The following EPB41L2 variants were observed in gnomAD, a reference collection of about 807,000 sequenced individuals.
The protein encoded by EPB41L2 is erythrocyte membrane protein band 4.1 like 2.
A neutral mutation model predicts 113.0 loss-of-function variants in EPB41L2; 43 were observed. The ratio of observed to expected loss-of-function variants is 0.38; its 90% CI spans 0.30 to 0.49. The LOEUF (loss-of-function observed/expected upper bound fraction) is 0.49. Among genes scored for constraint, EPB41L2 ranks in the 20% least tolerant of loss-of-function variants. EPB41L2 has a pLI of 0.95. For synonymous variants in EPB41L2, 442 were observed against 436.7 expected (o/e 1.01, Z -0.15); for missense variants, 1,147 against 1,223.4 (o/e 0.94, Z 0.93).
At chr6:130,899,616 A>C in intron 7 of EPB41L2, 38 bp from the exon 8 acceptor site, 1 of 1,568,176 alleles carries the variant, frequency 6.4e-7, no homozygotes, top group Non-Finnish European at 8.8e-7. Flanking sequence ...TTATTAATGG[A>C]TGCAGAGCAA....
At chr6:130,982,210 T>G (rs531073547) in intron 1 of EPB41L2, among the ~76,000 whole-genome samples, 1 of 152,304 alleles carries the variant, frequency 6.6e-6, no homozygotes, top group East Asian at 1.9e-4. Context: ...CTTTCAATAC[T>G]GTAGTTTTGA....
chr6:130,852,102 A>G (rs530942947), intron 19 of EPB41L2, among the ~76,000 whole-genome samples: 1 of 152,320 alleles, frequency 6.6e-6, no homozygotes, highest in South Asian at 2.1e-4. Context: ...TGGACTCTTA[A>G]GAGCAAAAAG....
intron 4 of EPB41L2, among the ~76,000 whole-genome samples, chr6:130,919,889 T>G (rs1802328875): frequency 6.6e-6 from 1 of 152,206 alleles, no homozygotes; most frequent in Non-Finnish European, 1.5e-5. Flanking sequence ...CTCCTTCTCT[T>G]GTCCCACTGC....
chr6:130,868,263 CTAA>C (rs1784547398), intron 15 of EPB41L2: 1 of 152,314 alleles, frequency 6.6e-6, no homozygotes, highest in Non-Finnish European at 1.5e-5. Context: ...TTATACCTGT[CTAA>C]AATTTGCAGT....
chr6:130,882,168 G>A (rs1789533533), intron 12 of EPB41L2: 1 of 152,124 alleles, frequency 6.6e-6, no homozygotes, highest in Non-Finnish European at 1.5e-5. Context: ...TTTGCAAAAT[G>A]GAGAGACCCT....
At chr6:130,999,330 C>A (rs1173902348) in intron 1 of EPB41L2, among the ~76,000 whole-genome samples, 1 of 152,162 alleles carries the variant, frequency 6.6e-6, no homozygotes, top group Non-Finnish European at 1.5e-5. Context: ...CAAAGTTCTA[C>A]TTAATATATG....
chr6:131,021,201 T>C (rs1789401117), intron 1 of EPB41L2, among the ~76,000 whole-genome samples: 1 of 152,202 alleles, frequency 6.6e-6, no homozygotes, highest in Non-Finnish European at 1.5e-5. Flanking sequence ...TGCAGAAGAA[T>C]ATCATTTCAA....
intron 3 of EPB41L2, among the ~76,000 whole-genome samples, chr6:130,941,722 G>A (rs1293436702): frequency 1.3e-5 from 2 of 152,198 alleles, no homozygotes; most frequent in African/African-American, 4.8e-5. Context: ...TAACCAGACT[G>A]ATGCACAAAA....
intron 1 of EPB41L2, among the ~76,000 whole-genome samples, chr6:130,991,486 G>A (rs1781853945): frequency 1.3e-5 from 2 of 151,984 alleles, no homozygotes; most frequent in South Asian, 4.2e-4. Context: ...CTTACTACTG[G>A]GCATCCACAT....
Position 130,870,048 on chromosome 6 carries a change from C to A in EPB41L2, c.2122G>T (p.Glu708Ter). 6.2e-7 allele frequency: 1 copy of A among 1,614,042 alleles called. No individual in the cohort carries two copies. The highest frequency in any genetic ancestry group is 8.5e-7 in the Non-Finnish European group (1 of 1,180,012). The change falls in exon 15 of 20, where the codon GAA (glutamate) becomes TAA (stop). Residue 708 changes from glutamate to a stop codon, truncating the protein, a stop_gained. Coordinates refer to ENST00000337057, the MANE Select transcript of EPB41L2 (RefSeq NM_001431.4). LOFTEE classifies it high-confidence loss of function. Reference sequence around the variant, plus strand: ...GGTGATATCTCTTTACCATTCATTTCTTCTGTGATTACTCTTTCGTCTTTC... The same window carrying A: ...GGTGATATCTCTTTACCATTCATTTATTCTGTGATTACTCTTTCGTCTTTC... Reference protein sequence around the residue: ...VGKDERVITEEMNGKEISPGS... With the variant: ...VGKDERVITE
chr6:130,916,014 A>T (rs75552037), intron 4 of EPB41L2, among the ~76,000 whole-genome samples: 2 of 152,172 alleles, frequency 1.3e-5, no homozygotes, highest in East Asian at 3.8e-4. Context: ...CCAATTTTAG[A>T]TTACTATTTT....
intron 1 of EPB41L2, among the ~76,000 whole-genome samples, chr6:131,023,748 T>TATATATATAG (rs1554340543): frequency 1.9e-5 from 2 of 103,146 alleles, no homozygotes; most frequent in African/African-American, 6.0e-5. Context: ...TCTATATATC[T>TATATATATAG]ATATATAGAT....
chr6:131,003,333 G>T (rs1021594838), intron 1 of EPB41L2, among the ~76,000 whole-genome samples: 8 of 152,130 alleles, frequency 5.3e-5, no homozygotes, highest in Admixed American at 2.6e-4. Flanking sequence ...TGGAAATGAG[G>T]CCAGGTCTCA....
intron 1 of EPB41L2, among the ~76,000 whole-genome samples, chr6:130,965,674 C>T (rs904039202): frequency 2.1e-5 from 3 of 141,938 alleles, no homozygotes; most frequent in Non-Finnish European, 4.6e-5. Context: ...AAGAAAGAAA[C>T]ACAAGTGGCA....
rs1796688402 is a variant in EPB41L2 at position 131,052,108 on chromosome 6, T to C, written c.-15+11047A>G. On this transcript the variant is annotated intron_variant, in intron 1 of 19. Transcript: ENST00000337057. ...CCCACCACCACACCCAGCTGATTTT[T>C]ATATTTTTAGTACAGATGGGGTTTT... 5.3e-5 allele frequency among the ~76,000 whole-genome samples: 8 copies of C among 152,150 alleles called. 1 individual carries two copies. The South Asian group carries it at 1.7e-3, about 32-fold the overall frequency.
intron 1 of EPB41L2, among the ~76,000 whole-genome samples, chr6:131,021,954 G>C (rs560514456): frequency 6.6e-6 from 1 of 152,124 alleles, no homozygotes; most frequent in Non-Finnish European, 1.5e-5. Flanking sequence ...AGGGCCGGGG[G>C]ATGGTTTTGG....
chr6:130,918,467 C>T (rs993246149), intron 4 of EPB41L2, among the ~76,000 whole-genome samples: 1 of 152,138 alleles, frequency 6.6e-6, no homozygotes, highest in Non-Finnish European at 1.5e-5. Context: ...AATACAAGAA[C>T]TATATGGACT....
chr6:130,931,417 C>T (rs1284524251), intron 3 of EPB41L2, among the ~76,000 whole-genome samples: 1 of 152,048 alleles, frequency 6.6e-6, no homozygotes, highest in African/African-American at 2.4e-5. Context: ...AGAAAAGTCA[C>T]TCCTAAGAAA....
In EPB41L2 at chr6:130,885,214, C is replaced by G; in HGVS notation, c.1715G>C (p.Gly572Ala). The part of the protein sequence containing the change: ...SLMKDFPGAA[G>A]EISAYGPGLV... ...TCCAGGTCCATAGGCTGAAATCTCC[C>G]CAGCAGCGCCAGGAAAATCCTTCAT... The change falls in exon 12 of 20, where the codon GGG (glycine) becomes GCG (alanine). Residue 572 changes from glycine to alanine, a missense_variant. By Grantham distance (60) the Gly-to-Ala change is moderately conservative. Coordinates refer to ENST00000337057, the MANE Select transcript of EPB41L2 (RefSeq NM_001431.4). The G allele has an allele frequency of 6.2e-7, 1 of 1,614,126 alleles. No individual in the cohort carries two copies. The highest frequency in any genetic ancestry group is 8.5e-7 in the Non-Finnish European group (1 of 1,180,014).
Sources: gnomAD v4.1 joint callset for allele counts (sites outside exome capture counted in the v4.1 genomes callset) on GRCh38, gnomAD v4.1.1 for gene constraint, MANE v1.5 for transcripts, NCBI Gene and HGNC (gene_info 2026-07-23, HGNC 2026-07-21) for gene names.